ADAM7: variants seen among roughly 807,000 people sequenced by gnomAD.
ADAM7 encodes disintegrin and metalloproteinase domain-containing protein 7.
ADAM7 carries 97 observed loss-of-function variants against 102.9 expected under a neutral mutation model. That is an observed-to-expected ratio of 0.94 (90% CI 0.80 to 1.12). ADAM7 has a LOEUF of 1.12. ADAM7 is among the 50% of genes most tolerant of loss of function. ADAM7 has a pLI of 0.00. For missense variants in ADAM7, 991 were observed against 908.7 expected (o/e 1.09, Z -1.16); for synonymous variants, 334 against 304.4 (o/e 1.10, Z -1.01).
Position 24,489,334 on chromosome 8 carries a change from G to C in ADAM7, c.1266+1G>C, listed in dbSNP as rs1820255225. 1 of 1,602,326 alleles carries C rather than the reference G, an allele frequency of 6.2e-7. No homozygotes were observed. Among genetic ancestry groups the C allele is most frequent in the African/African-American group, 1.3e-5 (1 of 74,476 alleles). ...AGAGTGTGACTGTGGCCCTGCTCAG[G>C]TATTTGCAAATGAAGCTATCTTTAA... On this transcript the variant is annotated splice_donor_variant, in intron 12 of 21. Transcript: ENST00000175238. LOFTEE classifies it high-confidence loss of function.
In ADAM7 at chr8:24,465,687, C is replaced by G; in HGVS notation, c.313-12C>G. 1 of 1,552,386 alleles carries G rather than the reference C, an allele frequency of 6.4e-7. No individual in the cohort carries two copies. Among genetic ancestry groups the G allele is most frequent in the East Asian group, 2.3e-5 (1 of 44,188 alleles). On this transcript the variant is annotated splice_polypyrimidine_tract_variant and intron_variant, in intron 4 of 21. Transcript: ENST00000175238. ...TTTATACATATAGTAATAGAGTCTT[C>G]TTCTATTTTAGGATCATTGTTTTTA...
At position 24,457,606 on chromosome 8, in the gene ADAM7, G is replaced by A. The variant is rs181825491; in HGVS notation, c.234-6276G>A. ...CAGCCCTTAGTCAAATATAGTTCTT[G>A]TTATGTTTGTTCCTGTCTGTGACCT... On this transcript the variant is annotated intron_variant, in intron 3 of 21. Transcript: ENST00000175238. Among the ~76,000 whole-genome samples, 397 of 152,174 alleles carry A rather than the reference G, an allele frequency of 2.6e-3. 3 individuals are homozygous for A. The highest frequency in any genetic ancestry group is 9.3e-3 in the African/African-American group (388 of 41,532).
chr8:24,476,097 C>A, intron 7 of ADAM7: 1 of 388,244 alleles, frequency 2.6e-6, no homozygotes, highest in Non-Finnish European at 5.0e-6. Context: ...AGGTTTGTTT[C>A]ATCAATGTGA....
At chr8:24,450,931 T>C (rs973293540) in intron 3 of ADAM7, among the ~76,000 whole-genome samples, 9 of 152,228 alleles carry the variant, frequency 5.9e-5, no homozygotes, top group Non-Finnish European at 1.2e-4. Context: ...TCTTTGGTTC[T>C]GTTTATATGC....
chr8:24,500,465 C>A (rs1368175880), intron 18 of ADAM7, among the ~76,000 whole-genome samples: 1 of 152,146 alleles, frequency 6.6e-6, no homozygotes, highest in African/African-American at 2.4e-5. Flanking sequence ...TCTCTTCTAG[C>A]TAAATTAAAT....
chr8:24,463,446 A>G (rs1205820349), intron 3 of ADAM7, among the ~76,000 whole-genome samples: 2 of 152,168 alleles, frequency 1.3e-5, no homozygotes, highest in African/African-American at 2.4e-5. Flanking sequence ...TGAATTTATT[A>G]TAATTAATAC....
chr8:24,507,358 G>C (rs1820986197), intron 20 of ADAM7, 122 bp from the exon 21 acceptor site: 1 of 694,958 alleles, frequency 1.4e-6, no homozygotes, highest in African/African-American at 1.8e-5. Flanking sequence ...CATGGAGCAA[G>C]CAGAGGTGGC....
At position 24,441,083 on chromosome 8, in the gene ADAM7, G is replaced by C. The variant is rs773961611; in HGVS notation, c.-26G>C. ...TGAACTCCTTTTCTCAAGCACTTCT[G>C]CTCTCCTCTACCAGAATCACTCAGA... is the stretch of plus-strand genomic sequence containing the variant. On this transcript the variant is annotated 5_prime_UTR_variant, in exon 1 of 22. Transcript: ENST00000175238. 1.9e-6 allele frequency: 3 copies of C among 1,607,574 alleles called. No individual in the cohort carries two copies. The South Asian group carries it at 3.3e-5, about 18-fold the overall frequency.
intron 4 of ADAM7, among the ~76,000 whole-genome samples, chr8:24,464,821 G>T (rs1209599273): frequency 9.0e-6 from 1 of 110,992 alleles, no homozygotes; most frequent in Non-Finnish European, 1.9e-5. Context: ...GGATGGTCTC[G>T]ATCTCTCCAG....
intron 11 of ADAM7, 46 bp downstream of exon 11, chr8:24,487,363 T>C: frequency 6.3e-7 from 1 of 1,592,590 alleles, no homozygotes; most frequent in South Asian, 1.1e-5. Context: ...AATTCAGAAG[T>C]GGGCTGGGCA....
intron 7 of ADAM7, among the ~76,000 whole-genome samples, chr8:24,473,258 T>C (rs760806306): frequency 1.3e-5 from 2 of 152,218 alleles, no homozygotes; most frequent in Non-Finnish European, 2.9e-5. Context: ...TTGTATTATT[T>C]ATCTACCACT....
chr8:24,509,550 CAA>C lies in ADAM7; in HGVS notation c.*1007_*1008del. On this transcript the variant is annotated 3_prime_UTR_variant, in exon 22 of 22. Transcript: ENST00000175238. ...GACTCGATGAAATAAATAAAGGCTACAAAAGAAGGAAGAAAGGCTGTTGTCCT... is the reference window on the plus strand; with the variant it reads ...GACTCGATGAAATAAATAAAGGCTACAAGAAGGAAGAAAGGCTGTTGTCCT... 3 of 984,490 alleles carry C rather than the reference CAA, an allele frequency of 3.0e-6. No homozygotes were observed. The highest frequency in any genetic ancestry group is 3.6e-6 in the Non-Finnish European group (3 of 829,166). 61.0% of individuals were successfully genotyped at this position (984,490 alleles called of 1,614,324 possible).
chr8:24,446,441 C>T (rs1398508889), intron 2 of ADAM7, among the ~76,000 whole-genome samples: 1 of 151,928 alleles, frequency 6.6e-6, no homozygotes. Context: ...TAAACATGAC[C>T]ACTTCCTTTC....
rs749243622 is a variant in ADAM7, at chr8:24,476,417, A to G, written c.634-16A>G. 9.0e-6 allele frequency: 14 copies of G among 1,562,254 alleles called. No homozygotes were observed. In the South Asian group the frequency reaches 1.6e-4, roughly 18 times the overall value. Reference sequence around the variant, plus strand: ...CCTATTATTAATGAATATTAATATGATATTTATATTTCCAGTATCGCAGAA... The same window carrying G: ...CCTATTATTAATGAATATTAATATGGTATTTATATTTCCAGTATCGCAGAA... On this transcript the variant is annotated splice_polypyrimidine_tract_variant and intron_variant, in intron 7 of 21. Coordinates refer to ENST00000175238, the MANE Select transcript of ADAM7 (RefSeq NM_003817.4).
intron 3 of ADAM7, among the ~76,000 whole-genome samples, chr8:24,451,133 A>C (rs962773259): frequency 2.6e-5 from 4 of 151,098 alleles, no homozygotes; most frequent in Non-Finnish European, 5.9e-5. Context: ...TGTCTCTGCC[A>C]GGCTTTGGTA....
intron 16 of ADAM7, among the ~76,000 whole-genome samples, chr8:24,494,712 GAA>G (rs35824095): frequency 6.6e-6 from 1 of 151,852 alleles, no homozygotes; most frequent in Non-Finnish European, 1.5e-5. Context: ...TGATGTGAGT[GAA>G]AAAAAAATCT....
chr8:24,492,965 C>G, intron 15 of ADAM7, 78 bp from the exon 16 acceptor site: 1 of 1,390,572 alleles, frequency 7.2e-7, no homozygotes, highest in Non-Finnish European at 9.6e-7. Context: ...AAAAGAGTGA[C>G]CGGGAGGCTC....
At chr8:24,496,074 G>T (rs946954446) in intron 16 of ADAM7, among the ~76,000 whole-genome samples, 3 of 152,206 alleles carry the variant, frequency 2.0e-5, no homozygotes, top group Admixed American at 2.0e-4. Context: ...TCCCCGTGCT[G>T]TGTGCAGTTT....
intron 2 of ADAM7, among the ~76,000 whole-genome samples, chr8:24,443,719 C>T (rs530064885): frequency 4.6e-4 from 70 of 152,244 alleles, no homozygotes; most frequent in African/African-American, 1.5e-3. Context: ...GGGCAGATCA[C>T]GTGAGGCCAG....
Sources: allele counts gnomAD v4.1 joint callset (sites outside exome capture counted in the v4.1 genomes callset), GRCh38; gene constraint gnomAD v4.1.1; transcripts MANE v1.5; gene names NCBI Gene and HGNC (gene_info 2026-07-23, HGNC 2026-07-21).